The following PSMC6 variants were observed in gnomAD, a reference collection of about 807,000 sequenced individuals.
PSMC6 encodes proteasome 26S subunit, ATPase 6.
Under a neutral mutation model 55.9 loss-of-function variants are expected in PSMC6, and 3 were observed. The observed-to-expected ratio is 0.05, with a 90% CI of 0.02 to 0.14. The LOEUF is 0.14. Among genes scored for constraint, PSMC6 ranks in the 10% least tolerant of loss-of-function variants. PSMC6 has a pLI of 1.00. For synonymous variants in PSMC6, 137 were observed against 155.9 expected, an observed-to-expected ratio of 0.88 and a Z score of 0.90; for missense variants, 210 against 478.7, an observed-to-expected ratio of 0.44 and a Z score of 5.24.
chr14:52,719,309 T>C (rs2041864007), intron 10 of PSMC6, among the ~76,000 whole-genome samples: 1 of 152,210 alleles, frequency 6.6e-6, no homozygotes, highest in South Asian at 2.1e-4. Context: ...TAAATTCTTA[T>C]GAATGTGATC....
intron 10 of PSMC6, among the ~76,000 whole-genome samples, chr14:52,720,562 A>G (rs141784565): frequency 9.2e-4 from 140 of 152,142 alleles, no homozygotes; most frequent in African/African-American, 3.1e-3. Flanking sequence ...TTAGATCCAC[A>G]TAGTTTAATT....
At chr14:52,718,052 C>G (rs2041848856) in intron 7 of PSMC6, 29 bp from the exon 8 acceptor site, 1 of 1,606,922 alleles carries the variant, frequency 6.2e-7, no homozygotes, top group East Asian at 2.2e-5. Context: ...ACCTTACCAT[C>G]TAATTAAGAC....
chr14:52,726,033 G>C (rs185609786), intron 13 of PSMC6, among the ~76,000 whole-genome samples: 1 of 152,266 alleles, frequency 6.6e-6, no homozygotes, highest in Admixed American at 6.5e-5. Context: ...AGTAATCCTT[G>C]AAATCTTCTA....
At chr14:52,711,039 C>G in intron 4 of PSMC6, 62 bp from the exon 5 acceptor site, 1 of 343,616 alleles carries the variant, frequency 2.9e-6, no homozygotes. Flanking sequence ...ATATTAAACT[C>G]TCGTTAGAGT....
intron 6 of PSMC6, among the ~76,000 whole-genome samples, chr14:52,713,607 T>C (rs376432215): frequency 1.3e-5 from 2 of 152,352 alleles, no homozygotes; most frequent in Middle Eastern, 3.4e-3. Context: ...ATTTCAAATA[T>C]GTTTGGACAA....
rs767848644 is a variant in PSMC6, at chr14:52,721,087, A to G, written c.899-23A>G. On this transcript the variant is annotated intron_variant, in intron 11 of 13. Transcript: ENST00000445930. ...ATTTTAAAAAAGATAAAACTGGACT[A>G]TAAAATAATTTTTTATTTTCAGATA... The G allele has an allele frequency of 3.8e-6, 6 of 1,578,856 alleles. No individual in the cohort carries two copies. The East Asian group carries it at 1.1e-4, about 29-fold the overall frequency.
At chr14:52,716,249 T>C (rs1410028566) in intron 7 of PSMC6, among the ~76,000 whole-genome samples, 1 of 152,182 alleles carries the variant, frequency 6.6e-6, no homozygotes, top group Non-Finnish European at 1.5e-5. Context: ...CTGGTGGGAA[T>C]GTAAATTAGC....
chr14:52,709,522 A>G (rs2041742734), intron 4 of PSMC6: 1 of 436,866 alleles, frequency 2.3e-6, no homozygotes, highest in Admixed American at 2.8e-5. Context: ...GACATTTTCT[A>G]AGTCAAAATA....
intron 4 of PSMC6, 54 bp downstream of exon 4, chr14:52,708,870 A>G: frequency 1.3e-6 from 2 of 1,599,090 alleles, no homozygotes; most frequent in Non-Finnish European, 1.7e-6. Flanking sequence ...GTTTCATGTA[A>G]GTTATTGTCT....
intron 3 of PSMC6, 75 bp downstream of exon 3, chr14:52,708,597 T>G: frequency 6.5e-7 from 1 of 1,547,230 alleles, no homozygotes; most frequent in East Asian, 2.3e-5. Flanking sequence ...GCTTATTATT[T>G]TAATGACAAT....
Position 52,716,304 on chromosome 14 carries a change from T to G in PSMC6, c.530-1777T>G, listed in dbSNP as rs190737532. ...TGGAGGTTCCTCAAAAAACTAAAAA[T>G]AGAATTACCATATGATTCAGCAATC... On this transcript the variant is annotated intron_variant, in intron 7 of 13. Transcript: ENST00000445930. Among the ~76,000 whole-genome samples, 787 of 152,292 alleles carry G rather than the reference T, an allele frequency of 5.2e-3. 6 individuals are homozygous for G. The highest frequency in any genetic ancestry group is 0.045 in the East Asian group (234 of 5,184).
rs541834964 is a variant in PSMC6, at chr14:52,711,161, A to G, written c.319A>G (p.Ile107Val). 2.5e-6 allele frequency: 4 copies of G among 1,613,156 alleles called. No homozygotes were observed. Among genetic ancestry groups the G allele is most frequent in the Non-Finnish European group, 3.4e-6 (4 of 1,179,274 alleles). Residue 107 changes from isoleucine to valine, a missense_variant, in exon 5 of 14, where the codon ATC becomes GTC. By Grantham distance (29) the Ile-to-Val change is conservative (BLOSUM62 3). Transcript: ENST00000445930. Reference protein sequence around the residue: ...RVALDMTTLTIMRYLPREVDP... With the variant: ...RVALDMTTLTVMRYLPREVDP... ...TGCTTTGGATATGACTACACTAACT[A>G]TCATGAGGTGGGTTTCTTATTCTAT...
intron 7 of PSMC6, among the ~76,000 whole-genome samples, chr14:52,714,654 G>A (rs182874023): frequency 6.6e-6 from 1 of 152,206 alleles, no homozygotes; most frequent in Admixed American, 6.5e-5. Flanking sequence ...CAGAGGTCAG[G>A]AGTTTGAGAG....
chr14:52,720,839 A>T lies in PSMC6; in HGVS notation c.778-22A>T, dbSNP rs750949259. The T allele has an allele frequency of 1.3e-5, 20 of 1,567,198 alleles. No homozygotes were observed. The African/African-American group carries it at 2.3e-4, about 18-fold the overall frequency. On this transcript the variant is annotated intron_variant, in intron 10 of 13. Coordinates refer to ENST00000445930, the MANE Select transcript of PSMC6 (RefSeq NM_002806.5). ...TTTTAATGGTTAGAATTTTTGTAAA[A>T]TCTGATTCTTAATATTCTTAGTTAC... is the stretch of plus-strand genomic sequence containing the variant.
At chr14:52,711,349 T>C (rs1415691160) in intron 5 of PSMC6, 61 bp from the exon 6 acceptor site, 4 of 1,399,834 alleles carry the variant, frequency 2.9e-6, no homozygotes, top group Non-Finnish European at 4.0e-6. Context: ...ATTTATATGC[T>C]ATCTGTAGGC....
At chr14:52,718,438 A>G in intron 9 of PSMC6, 86 bp downstream of exon 9, 1 of 1,387,736 alleles carries the variant, frequency 7.2e-7, no homozygotes, top group Non-Finnish European at 9.9e-7. Context: ...TGTAATTGTG[A>G]CTTGTATGAA....
chr14:52,712,257 C>A (rs547299349), intron 6 of PSMC6, among the ~76,000 whole-genome samples: 2 of 151,886 alleles, frequency 1.3e-5, no homozygotes, highest in Non-Finnish European at 2.9e-5. Flanking sequence ...CATTACTAGG[C>A]CCTCTGAGTG....
intron 9 of PSMC6, 160 bp downstream of exon 9, chr14:52,718,512 G>C: frequency 2.5e-6 from 2 of 796,118 alleles, no homozygotes; most frequent in South Asian, 3.8e-5. Flanking sequence ...TTCATGGCCG[G>C]GTGTGGTGGC....
chr14:52,711,622 C>T (rs1369674958), intron 6 of PSMC6, 98 bp downstream of exon 6: 5 of 689,300 alleles, frequency 7.3e-6, no homozygotes, highest in Non-Finnish European at 1.2e-5. Flanking sequence ...TACTTTTTGT[C>T]TAAATGGTAG....
Sources: allele counts gnomAD v4.1 joint callset (sites outside exome capture counted in the v4.1 genomes callset), GRCh38; gene constraint gnomAD v4.1.1; transcripts MANE v1.5; gene names NCBI Gene and HGNC (gene_info 2026-07-23, HGNC 2026-07-21).